DMD: variants seen among roughly 807,000 people sequenced by gnomAD.
The protein encoded by DMD is dystrophin, also known as mutant dystrophin.
In DMD, 63 loss-of-function variants were observed where a neutral mutation model predicts 330.1. The ratio of observed to expected loss-of-function variants is 0.19; its 90% CI spans 0.16 to 0.24. The LOEUF is 0.24. DMD is among the 10% of genes least tolerant of loss of function. The pLI is 1.00. For missense variants in DMD, 3,344 were observed against 2,684.1 expected (o/e 1.25, Z -5.43); for synonymous variants, 1,223 against 959.8 (o/e 1.27, Z -5.07).
At chrX:32,252,611 A>AAAACATAT (rs1389632435) in intron 43 of DMD, among the ~76,000 whole-genome samples, 12 of 80,947 alleles carry the variant, frequency 1.5e-4, no homozygotes, top group Non-Finnish European at 2.0e-4. Flanking sequence ...AACATATATA[A>AAAACATAT]ATAAATATAT....
intron 1 of DMD, among the ~76,000 whole-genome samples, chrX:33,313,312 T>A (rs1312513034): frequency 8.9e-6 from 1 of 111,960 alleles, no homozygotes; most frequent in East Asian, 2.8e-4. Flanking sequence ...AATCCTTTCA[T>A]CCCATTTGGT....
chrX:32,384,690 T>A (rs1405175943), intron 33 of DMD, among the ~76,000 whole-genome samples: 1 of 111,048 alleles, frequency 9.0e-6, no homozygotes, highest in Non-Finnish European at 1.9e-5. Flanking sequence ...ACTTTCAGGC[T>A]GAGATGCAAG....
At chrX:32,487,054 T>A (rs2042551565) in intron 20 of DMD, among the ~76,000 whole-genome samples, 1 of 110,394 alleles carries the variant, frequency 9.1e-6, no homozygotes, top group Non-Finnish European at 1.9e-5. Context: ...ACCATCAGAG[T>A]GAACAGGCAA....
intron 36 of DMD, among the ~76,000 whole-genome samples, chrX:32,363,218 T>C (rs1250524077): frequency 4.5e-5 from 5 of 112,036 alleles, no homozygotes; most frequent in African/African-American, 1.6e-4. Flanking sequence ...GATGCATGTC[T>C]ATTTAAAATG....
chrX:32,462,031 T>G (rs2098385166), intron 25 of DMD, among the ~76,000 whole-genome samples: 1 of 110,717 alleles, frequency 9.0e-6, no homozygotes, highest in South Asian at 3.8e-4. Context: ...ATTTTGAAAG[T>G]TTACTTAGCA....
intron 62 of DMD, among the ~76,000 whole-genome samples, chrX:31,321,527 T>C (rs1298565666): frequency 1.1e-5 from 1 of 90,410 alleles, no homozygotes; most frequent in African/African-American, 4.4e-5. Context: ...GGGGTTGCAG[T>C]GAGCCGAGAT....
At chrX:31,878,101 G>C (rs772021645) in intron 47 of DMD, among the ~76,000 whole-genome samples, 1 of 111,588 alleles carries the variant, frequency 9.0e-6, no homozygotes, top group Non-Finnish European at 1.9e-5. Context: ...TCCCTTCCTT[G>C]TAATAGAGGT....
intron 40 of DMD, chrX:32,342,530 T>C: frequency 2.6e-6 from 1 of 380,322 alleles, no homozygotes; most frequent in Non-Finnish European, 4.5e-6. Flanking sequence ...TCTAACATTT[T>C]CTTTCTTCTA....
chrX:31,183,941 T>A lies in DMD; in HGVS notation c.9808-1037A>T, dbSNP rs181213848. On this transcript the variant is annotated intron_variant, in intron 67 of 78. Coordinates refer to ENST00000357033, the MANE Select transcript of DMD (RefSeq NM_004006.3). Reference sequence around the variant, plus strand: ...TTTTTTTTTTTTGAGACTGACTCTATCTCTATTGCCCAGGCTGGAGTGCAG... The same window carrying A: ...TTTTTTTTTTTTGAGACTGACTCTAACTCTATTGCCCAGGCTGGAGTGCAG... Among the ~76,000 whole-genome samples the A allele has an allele frequency of 5.0e-3, 542 of 108,909 alleles. 5 individuals carry two copies. The highest frequency in any genetic ancestry group is 0.017 in the African/African-American group (513 of 29,844). The allele number at this position is 108,909 out of a possible 115,157, so 94.6% of individuals were successfully genotyped here. A position where few individuals can be genotyped will look rare whatever the true frequency, so the allele number is the denominator to read the frequency against.
intron 1 of DMD, among the ~76,000 whole-genome samples, chrX:33,084,929 T>C (rs2094982806): frequency 9.0e-6 from 1 of 110,830 alleles, no homozygotes; most frequent in Admixed American, 9.7e-5. Context: ...TCAAAACCCT[T>C]ATACTTTATT....
At chrX:32,380,783 T>C (rs2097921593) in intron 33 of DMD, 103 bp from the exon 34 acceptor site, 1 of 649,158 alleles carries the variant, frequency 1.5e-6, no homozygotes, top group Non-Finnish European at 2.3e-6. Flanking sequence ...TTAAAATAAC[T>C]ATTTTCTTAC....
At chrX:31,912,089 C>G (rs1183878600) in intron 47 of DMD, among the ~76,000 whole-genome samples, 1 of 111,226 alleles carries the variant, frequency 9.0e-6, no homozygotes, top group African/African-American at 3.3e-5. Context: ...AGAAGAAGCT[C>G]CAAAGCACTT....
intron 1 of DMD, among the ~76,000 whole-genome samples, chrX:33,277,246 G>A (rs1310748145): frequency 9.0e-6 from 1 of 111,421 alleles, no homozygotes; most frequent in South Asian, 3.8e-4. Flanking sequence ...AAGTGGTTTC[G>A]TGGTTGCCAA....
intron 51 of DMD, among the ~76,000 whole-genome samples, chrX:31,747,526 A>C (rs937677933): frequency 1.8e-5 from 2 of 111,581 alleles, no homozygotes; most frequent in Non-Finnish European, 1.9e-5. Context: ...AAATGGGTCT[A>C]CATTAGCACA....
intron 55 of DMD, among the ~76,000 whole-genome samples, chrX:31,535,493 T>C (rs1354299141): frequency 1.2e-5 from 1 of 82,424 alleles, no homozygotes; most frequent in African/African-American, 4.6e-5. Context: ...CAATTCAAGA[T>C]GGATTAAAGA....
intron 60 of DMD, among the ~76,000 whole-genome samples, chrX:31,408,599 G>A (rs939718150): frequency 4.5e-5 from 5 of 110,655 alleles, no homozygotes; most frequent in Non-Finnish European, 5.7e-5. Flanking sequence ...AGGTTTCACC[G>A]TGTTGGCCAG....
rs1445028018 is a variant in DMD at position 32,252,919 on chromosome X, TAG to T, written c.6290+34608_6290+34609del. Among the ~76,000 whole-genome samples, 159 of 79,736 alleles carry T rather than the reference TAG, an allele frequency of 2.0e-3. 1 individual carries two copies. Among genetic ancestry groups the T allele is most frequent in the African/African-American group, 8.2e-3 (153 of 18,676 alleles). The allele number at this position is 79,736 out of a possible 115,157, so 69.2% of individuals were successfully genotyped here. On this transcript the variant is annotated intron_variant, in intron 43 of 78. Transcript: ENST00000357033. Reference sequence around the variant, plus strand: ...ATATAAATATATACATAAATATATATAGATATATAAATATATATATACATAAA... The same window carrying T: ...ATATAAATATATACATAAATATATATATATATAAATATATATATACATAAA...
chrX:32,770,710 TTA>T (rs982201860), intron 7 of DMD, among the ~76,000 whole-genome samples: 1 of 111,953 alleles, frequency 8.9e-6, no homozygotes, highest in Non-Finnish European at 1.9e-5. Context: ...TCCTACTGTT[TTA>T]GGACCAGGAG....
At chrX:32,345,153 G>C (rs1031504394) in intron 39 of DMD, among the ~76,000 whole-genome samples, 1 of 111,262 alleles carries the variant, frequency 9.0e-6, no homozygotes, top group East Asian at 2.8e-4. Flanking sequence ...ACAAGGAAAA[G>C]CTCAGCAATT....
Sources: gnomAD v4.1 joint callset for allele counts (sites outside exome capture counted in the v4.1 genomes callset) on GRCh38, gnomAD v4.1.1 for gene constraint, MANE v1.5 for transcripts, NCBI Gene and HGNC (gene_info 2026-07-23, HGNC 2026-07-21) for gene names.